Variants in PLCB4 observed in about 807,000 individuals in gnomAD.
PLCB4 encodes the protein 1-phosphatidylinositol 4,5-bisphosphate phosphodiesterase beta-4.
In PLCB4, 77 loss-of-function variants were observed where a neutral mutation model predicts 178.8. The observed-to-expected ratio is 0.43, with a 90% CI of 0.36 to 0.52. The LOEUF (loss-of-function observed/expected upper bound fraction) is 0.52. PLCB4 is among the 20% of genes least tolerant of loss of function. PLCB4 has a pLI of 0.00. For missense variants in PLCB4, 1,024 were observed against 1,453.4 expected (o/e 0.70, Z 4.80); for synonymous variants, 496 against 490.8 (o/e 1.01, Z -0.14).
chr20:9,194,532 CA>C (rs1158809378), intron 2 of PLCB4, among the ~76,000 whole-genome samples: 1 of 151,332 alleles, frequency 6.6e-6, no homozygotes, highest in Non-Finnish European at 1.5e-5. Context: ...ACTAAAAATA[CA>C]AAAAATTAGC....
chr20:9,365,504 C>T lies in PLCB4; in HGVS notation c.493C>T (p.Pro165Ser), dbSNP rs1269929803. 1.9e-6 allele frequency: 3 copies of T among 1,602,920 alleles called. No individual in the cohort carries two copies. The highest frequency in any genetic ancestry group is 2.6e-6 in the Non-Finnish European group (3 of 1,170,488). Residue 165 changes from proline (P) to serine (S), a missense_variant, in exon 9 of 40, where the codon CCA becomes TCA. Around this residue, in one of 7 missense-constraint regions of PLCB4, gnomAD observed 225 missense variants for 291.0 expected, o/e 0.77. Transcript: ENST00000378473. ...TATGACCAACACAAATGGTAAAATTCCAGTTAGGAGGTAAGTAATCATTCC... is the reference window on the plus strand; with the variant it reads ...TATGACCAACACAAATGGTAAAATTTCAGTTAGGAGGTAAGTAATCATTCC... The part of the protein sequence containing the change: ...AFMTNTNGKI[P>S]VRSITRTFAS...
At chr20:9,383,045 A>T (rs1473796475) in intron 13 of PLCB4, among the ~76,000 whole-genome samples, 2 of 152,270 alleles carry the variant, frequency 1.3e-5, no homozygotes, top group Non-Finnish European at 2.9e-5. Flanking sequence ...AATGAACAAG[A>T]TCTACCTACA....
intron 3 of PLCB4, among the ~76,000 whole-genome samples, chr20:9,264,285 G>A (rs1025227679): frequency 3.3e-5 from 5 of 152,076 alleles, no homozygotes; most frequent in Non-Finnish European, 4.4e-5. Flanking sequence ...AAAGGCCCTG[G>A]GAACTAATGT....
intron 7 of PLCB4, among the ~76,000 whole-genome samples, chr20:9,356,211 A>G (rs892892251): frequency 2.6e-5 from 4 of 152,046 alleles, no homozygotes. Context: ...TCAGATGAGT[A>G]GGTTGCGAAA....
intron 3 of PLCB4, among the ~76,000 whole-genome samples, chr20:9,246,634 C>T (rs1036728578): frequency 6.6e-6 from 1 of 151,598 alleles, no homozygotes; most frequent in African/African-American, 2.4e-5. Context: ...ATCCTAACAT[C>T]GTCTGCCTTG....
chr20:9,313,327 T>C (rs2094858345), intron 4 of PLCB4, among the ~76,000 whole-genome samples: 2 of 152,142 alleles, frequency 1.3e-5, no homozygotes, highest in African/African-American at 4.8e-5. Flanking sequence ...CCTTTATCTA[T>C]TTAAAGTAAG....
At chr20:9,143,720 G>C (rs2092540089) in intron 2 of PLCB4, among the ~76,000 whole-genome samples, 1 of 152,074 alleles carries the variant, frequency 6.6e-6, no homozygotes, top group South Asian at 2.1e-4. Flanking sequence ...TGTTTTAGGA[G>C]ATTATACTAT....
At chr20:9,150,536 G>T (rs1481553786) in intron 2 of PLCB4, among the ~76,000 whole-genome samples, 1 of 152,048 alleles carries the variant, frequency 6.6e-6, no homozygotes, top group Non-Finnish European at 1.5e-5. Flanking sequence ...ATCAAATTTG[G>T]TACAAATCAA....
intron 2 of PLCB4, among the ~76,000 whole-genome samples, chr20:9,105,986 T>C (rs998748268): frequency 6.6e-6 from 1 of 152,114 alleles, no homozygotes; most frequent in Non-Finnish European, 1.5e-5. Flanking sequence ...TTTTTCAAAA[T>C]GTCAGCAACC....
chr20:9,286,645 A>G (rs1270306936), intron 3 of PLCB4, among the ~76,000 whole-genome samples: 2 of 152,048 alleles, frequency 1.3e-5, no homozygotes, highest in Admixed American at 1.3e-4. Flanking sequence ...CTAGGTTCAA[A>G]TATAACCACA....
intron 3 of PLCB4, among the ~76,000 whole-genome samples, chr20:9,236,744 A>C (rs1185980280): frequency 1.3e-5 from 2 of 152,196 alleles, no homozygotes; most frequent in African/African-American, 4.8e-5. Context: ...GTGAGTTTCT[A>C]TGGAAACTAA....
chr20:9,400,976 C>T (rs2038980025), intron 19 of PLCB4, among the ~76,000 whole-genome samples: 1 of 152,140 alleles, frequency 6.6e-6, no homozygotes, highest in Admixed American at 6.5e-5. Context: ...GCAGGAGTAG[C>T]ACAATCCTTC....
chr20:9,146,660 A>C (rs2146903511), intron 2 of PLCB4, among the ~76,000 whole-genome samples: 1 of 152,224 alleles, frequency 6.6e-6, no homozygotes, highest in Non-Finnish European at 1.5e-5. Context: ...GTTAGAGGTT[A>C]ATTGGTAGTT....
chr20:9,403,671 A>G (rs1168387399), intron 20 of PLCB4, among the ~76,000 whole-genome samples: 5 of 152,230 alleles, frequency 3.3e-5, no homozygotes, highest in Non-Finnish European at 5.9e-5. Flanking sequence ...TATTTGCCTT[A>G]TTTGAACAGA....
intron 2 of PLCB4, among the ~76,000 whole-genome samples, chr20:9,137,598 C>A (rs1038851074): frequency 8.5e-5 from 13 of 152,120 alleles, no homozygotes; most frequent in African/African-American, 2.9e-4. Context: ...ATTTGTAATT[C>A]AAAGAAATAG....
chr20:9,452,893 A>G (rs2042849123), intron 32 of PLCB4, among the ~76,000 whole-genome samples: 1 of 152,264 alleles, frequency 6.6e-6, no homozygotes, highest in Admixed American at 6.5e-5. Flanking sequence ...TTTAGAAACC[A>G]TGTCACATGA....
chr20:9,191,345 ATTTTTTTTT>A (rs71184136), intron 2 of PLCB4, among the ~76,000 whole-genome samples: 4 of 58,842 alleles, frequency 6.8e-5, no homozygotes, highest in African/African-American at 3.0e-4. Context: ...CTAGATAGGC[ATTTTTTTTT>A]TTTTTTTTTT....
intron 2 of PLCB4, among the ~76,000 whole-genome samples, chr20:9,188,490 G>A (rs1451478978): frequency 1.3e-5 from 2 of 150,892 alleles, no homozygotes; most frequent in African/African-American, 2.5e-5. Flanking sequence ...GACATTCTGG[G>A]TTGGTTAATT....
In PLCB4 at chr20:9,205,494, G is replaced by T. The variant is rs184253273; in HGVS notation, c.-78-11896G>T. Among the ~76,000 whole-genome samples, 470 of 152,258 alleles carry T rather than the reference G, an allele frequency of 3.1e-3. 3 individuals carry two copies. The highest frequency in any genetic ancestry group is 5.2e-3 in the Non-Finnish European group (356 of 68,024). ...TGAGGTAATTACAGAGTCATATGCA[G>T]TTGTAAAATATAATACAGAGAAATC... On this transcript the variant is annotated intron_variant, in intron 2 of 39. Coordinates refer to ENST00000378473, the MANE Select transcript of PLCB4 (RefSeq NM_001377142.1).
Sources: gnomAD v4.1 joint callset for allele counts (sites outside exome capture counted in the v4.1 genomes callset) on GRCh38, gnomAD v4.1.1 for gene constraint, gnomAD v4.1.1 regional missense constraint, MANE v1.5 for transcripts, NCBI Gene and HGNC (gene_info 2026-07-23, HGNC 2026-07-21) for gene names.